UBE2R2: variants seen among roughly 807,000 people sequenced by gnomAD.
UBE2R2 encodes the protein ubiquitin-conjugating enzyme E2 R2.
UBE2R2 carries 1 observed loss-of-function variant against 27.8 expected under a neutral mutation model. That is an observed-to-expected ratio of 0.04 (90% CI 0.01 to 0.17). UBE2R2 has a LOEUF of 0.17. UBE2R2 is among the 10% of genes least tolerant of loss of function. The pLI, the probability that UBE2R2 is intolerant of heterozygous loss-of-function variation, is 1.00. For missense variants in UBE2R2, 100 were observed against 291.0 expected (o/e 0.34, Z 4.78); for synonymous variants, 106 against 113.3 (o/e 0.94, Z 0.41).
At chr9:33,827,252 C>T (rs1014190214) in intron 1 of UBE2R2, among the ~76,000 whole-genome samples, 1 of 152,126 alleles carries the variant, frequency 6.6e-6, no homozygotes, top group Non-Finnish European at 1.5e-5. Flanking sequence ...TCACTTGAGC[C>T]TGGGAGGTCG....
chr9:33,890,539 C>T (rs1205667506), intron 2 of UBE2R2, among the ~76,000 whole-genome samples: 1 of 150,984 alleles, frequency 6.6e-6, no homozygotes, highest in Non-Finnish European at 1.5e-5. Flanking sequence ...AGGCCGGGCT[C>T]GGTGGCTCAC....
At chr9:33,908,704 A>G (rs924998179) in intron 3 of UBE2R2, among the ~76,000 whole-genome samples, 13 of 152,366 alleles carry the variant, frequency 8.5e-5, no homozygotes, top group Admixed American at 5.2e-4. Flanking sequence ...CTTAATACAC[A>G]AGATGTAAGA....
rs559947850 is a variant in UBE2R2, at chr9:33,866,623, G to A, written c.178-20258G>A. On this transcript the variant is annotated intron_variant, in intron 1 of 4. Coordinates refer to ENST00000263228, the MANE Select transcript of UBE2R2 (RefSeq NM_017811.4). ...GCAGTTGGTGGATTTTCACACACTGGGGCATCTGTATATCTAGTCTTCAGA... is the reference window on the plus strand; with the variant it reads ...GCAGTTGGTGGATTTTCACACACTGAGGCATCTGTATATCTAGTCTTCAGA... Among the ~76,000 whole-genome samples the A allele has an allele frequency of 3.0e-3, 462 of 152,156 alleles. 1 individual carries two copies. Among genetic ancestry groups the A allele is most frequent in the African/African-American group, 0.01 (431 of 41,524 alleles).
intron 1 of UBE2R2, among the ~76,000 whole-genome samples, chr9:33,839,178 G>C (rs1448363902): frequency 6.6e-6 from 1 of 152,142 alleles, no homozygotes; most frequent in East Asian, 1.9e-4. Flanking sequence ...AGGAGGTCTG[G>C]CTTTTGGGAG....
intron 1 of UBE2R2, among the ~76,000 whole-genome samples, chr9:33,827,956 G>A (rs1018403864): frequency 2.7e-5 from 4 of 150,680 alleles, no homozygotes; most frequent in South Asian, 2.1e-4. Context: ...GGGCGACATA[G>A]CAAGACTCCC....
chr9:33,851,195 A>G (rs1472302442), intron 1 of UBE2R2, among the ~76,000 whole-genome samples: 1 of 151,826 alleles, frequency 6.6e-6, no homozygotes, highest in African/African-American at 2.4e-5. Context: ...AAACAACCAC[A>G]AACTTACAAA....
intron 2 of UBE2R2, among the ~76,000 whole-genome samples, chr9:33,888,786 G>C (rs1465939723): frequency 6.6e-6 from 1 of 152,158 alleles, no homozygotes; most frequent in Non-Finnish European, 1.5e-5. Flanking sequence ...CAAAGTGCTG[G>C]GATTACAGGG....
At chr9:33,869,932 C>T (rs968569347) in intron 1 of UBE2R2, among the ~76,000 whole-genome samples, 13 of 151,568 alleles carry the variant, frequency 8.6e-5, no homozygotes, top group Non-Finnish European at 1.5e-4. Flanking sequence ...CCGAAACATC[C>T]GCCTCCTGGG....
At chr9:33,835,165 T>TTTAA (rs1554671394) in intron 1 of UBE2R2, among the ~76,000 whole-genome samples, 1 of 149,944 alleles carries the variant, frequency 6.7e-6, no homozygotes, top group Non-Finnish European at 1.5e-5. Context: ...TTTTTTTTTT[T>TTTAA]GAGACCCAAT....
In UBE2R2 at chr9:33,817,667, G is replaced by A. The variant is rs1825833294; in HGVS notation, c.-91G>A. 8.5e-7 allele frequency: 1 copy of A among 1,178,532 alleles called. No homozygotes were observed. Among genetic ancestry groups the A allele is most frequent in the South Asian group, 3.8e-5 (1 of 26,570 alleles). The allele number at this position is 1,178,532 out of a possible 1,614,324, so 73.0% of individuals were successfully genotyped here. On this transcript the variant is annotated 5_prime_UTR_variant, in exon 1 of 5. Coordinates refer to ENST00000263228, the MANE Select transcript of UBE2R2 (RefSeq NM_017811.4). ...CGGGGCCCGGTGCTGCCCGGCCGGA[G>A]GGCGAGCGGAGGGGAGGGGCCTGGT...
chr9:33,899,816 G>A (rs543090970), intron 2 of UBE2R2, among the ~76,000 whole-genome samples: 6 of 152,230 alleles, frequency 3.9e-5, no homozygotes, highest in Non-Finnish European at 8.8e-5. Context: ...TTTTTTATCA[G>A]GATTGTACTA....
intron 2 of UBE2R2, among the ~76,000 whole-genome samples, chr9:33,888,891 T>C (rs1371035840): frequency 6.6e-6 from 1 of 152,222 alleles, no homozygotes; most frequent in African/African-American, 2.4e-5. Context: ...TCTGTATAAA[T>C]GAGCACATTG....
At chr9:33,818,965 A>G (rs1825907862) in intron 1 of UBE2R2, among the ~76,000 whole-genome samples, 1 of 152,088 alleles carries the variant, frequency 6.6e-6, no homozygotes, top group Admixed American at 6.6e-5. Context: ...TTTAACTCCA[A>G]GGTAGTTAAC....
chr9:33,830,081 GC>G (rs1319465717), intron 1 of UBE2R2, among the ~76,000 whole-genome samples: 7 of 151,604 alleles, frequency 4.6e-5, no homozygotes, highest in Non-Finnish European at 8.8e-5. Context: ...ACAGGCGTGA[GC>G]CACCGCGCCC....
intron 3 of UBE2R2, among the ~76,000 whole-genome samples, chr9:33,905,681 G>T (rs1822338540): frequency 6.6e-6 from 1 of 152,168 alleles, no homozygotes; most frequent in African/African-American, 2.4e-5. Context: ...TTTACCATCA[G>T]TTGCCCTGTT....
At chr9:33,884,768 C>CTTTTTTTTTTTTTTT (rs949754325) in intron 1 of UBE2R2, among the ~76,000 whole-genome samples, 1 of 148,380 alleles carries the variant, frequency 6.7e-6, no homozygotes, top group African/African-American at 2.5e-5. Flanking sequence ...TCTATTGATT[C>CTTTTTTTTTTTTTTT]TTTTTTTTTT....
intron 1 of UBE2R2, among the ~76,000 whole-genome samples, chr9:33,854,953 C>G (rs1821065932): frequency 6.6e-6 from 1 of 151,944 alleles, no homozygotes; most frequent in Non-Finnish European, 1.5e-5. Context: ...CTCAAGTGAT[C>G]CACCCACCGT....
At chr9:33,832,541 C>T (rs910405310) in intron 1 of UBE2R2, among the ~76,000 whole-genome samples, 23 of 151,776 alleles carry the variant, frequency 1.5e-4, no homozygotes, top group African/African-American at 5.5e-4. Context: ...CCTGTAGTTC[C>T]AGCTACTTGG....
At chr9:33,905,794 C>T (rs1822341406) in intron 3 of UBE2R2, among the ~76,000 whole-genome samples, 1 of 152,166 alleles carries the variant, frequency 6.6e-6, no homozygotes, top group African/African-American at 2.4e-5. Context: ...AACTAGTCAT[C>T]TGTAGTTACT....
Sources: allele counts gnomAD v4.1 joint callset (sites outside exome capture counted in the v4.1 genomes callset), GRCh38; gene constraint gnomAD v4.1.1; transcripts MANE v1.5; gene names NCBI Gene and HGNC (gene_info 2026-07-23, HGNC 2026-07-21).